Variants in TFDP2 observed in about 807,000 individuals in gnomAD.
TFDP2 encodes the protein transcription factor Dp-2.
In TFDP2, 17 loss-of-function variants were observed where a neutral mutation model predicts 59.3. That is an observed-to-expected ratio of 0.29 (90% CI 0.20 to 0.43). TFDP2 has a LOEUF of 0.43. TFDP2 is among the 20% of genes least tolerant of loss of function. The pLI is 1.00. For synonymous variants in TFDP2, 180 were observed against 194.7 expected (o/e 0.92, Z 0.63); for missense variants, 391 against 528.8 (o/e 0.74, Z 2.56).
intron 1 of TFDP2, among the ~76,000 whole-genome samples, chr3:142,106,706 C>T (rs375795358): frequency 1.3e-5 from 2 of 152,164 alleles, no homozygotes; most frequent in Admixed American, 6.6e-5. Flanking sequence ...TTTCTTCTTC[C>T]AGCTTCATGA....
intron 1 of TFDP2, among the ~76,000 whole-genome samples, chr3:142,118,873 C>T (rs2061938051): frequency 1.3e-5 from 2 of 152,066 alleles, no homozygotes; most frequent in African/African-American, 4.8e-5. Flanking sequence ...ATTAAAAGTA[C>T]ATTCTGGCTG....
chr3:142,077,125 G>T (rs2060484581), intron 3 of TFDP2, among the ~76,000 whole-genome samples: 1 of 152,158 alleles, frequency 6.6e-6, no homozygotes, highest in Non-Finnish European at 1.5e-5. Flanking sequence ...TACCCACAGA[G>T]GGAACATATA....
At chr3:142,026,659 T>C (rs1438754428) in intron 3 of TFDP2, among the ~76,000 whole-genome samples, 1 of 152,246 alleles carries the variant, frequency 6.6e-6, no homozygotes, top group Non-Finnish European at 1.5e-5. Flanking sequence ...GTAATGTGTA[T>C]ACACGCACAT....
In TFDP2 at chr3:142,131,458, G is replaced by C. The variant is rs1023662004; in HGVS notation, c.-93+17725C>G. ...GTAACTCTGTAAGTTTGATCTAAGA[G>C]ACATAGGCAGAAATCTGCTCCCAAA... On this transcript the variant is annotated intron_variant, in intron 1 of 12. Coordinates refer to ENST00000489671, the MANE Select transcript of TFDP2 (RefSeq NM_001178139.2). 6.0e-5 allele frequency among the ~76,000 whole-genome samples: 9 copies of C among 150,168 alleles called. No homozygotes were observed. The East Asian group carries it at 1.7e-3, about 29-fold the overall frequency.
chr3:142,139,198 T>C (rs576709447), intron 1 of TFDP2, among the ~76,000 whole-genome samples: 7 of 152,306 alleles, frequency 4.6e-5, no homozygotes, highest in African/African-American at 1.7e-4. Flanking sequence ...CCCTGCTTTT[T>C]TTTGCTTTCC....
At chr3:142,063,800 G>C (rs2108523325) in intron 3 of TFDP2, among the ~76,000 whole-genome samples, 1 of 151,978 alleles carries the variant, frequency 6.6e-6, no homozygotes, top group East Asian at 1.9e-4. Context: ...TGTAAAGCTT[G>C]ATGACATCGT....
At chr3:141,974,301 A>G (rs1940270878) in intron 7 of TFDP2, 110 bp from the exon 8 acceptor site, 1 of 960,170 alleles carries the variant, frequency 1.0e-6, no homozygotes, top group Non-Finnish European at 1.4e-6. Flanking sequence ...GAAGGATTCT[A>G]TTTTTTTATT....
intron 1 of TFDP2, among the ~76,000 whole-genome samples, chr3:142,118,149 C>A (rs2108687460): frequency 6.6e-6 from 1 of 152,130 alleles, no homozygotes; most frequent in South Asian, 2.1e-4. Flanking sequence ...CTTGCAGAAA[C>A]AAAATATTAA....
chr3:142,101,924 T>A, intron 1 of TFDP2, 83 bp from the exon 2 acceptor site: 1 of 436,786 alleles, frequency 2.3e-6, no homozygotes, highest in East Asian at 3.1e-5. Flanking sequence ...TGACATGCAT[T>A]GTTATCTAAG....
chr3:141,991,159 C>T (rs1182041888), intron 6 of TFDP2, among the ~76,000 whole-genome samples: 1 of 152,150 alleles, frequency 6.6e-6, no homozygotes, highest in African/African-American at 2.4e-5. Flanking sequence ...GAATTACACC[C>T]AAATAATAAA....
At chr3:141,978,751 G>T in intron 6 of TFDP2, 69 bp from the exon 7 acceptor site, 1 of 1,151,406 alleles carries the variant, frequency 8.7e-7, no homozygotes, top group South Asian at 2.1e-5. Flanking sequence ...ATCTCTGTAA[G>T]ATAATGCAAG....
chr3:141,977,106 ATTTTTT>A lies in TFDP2; in HGVS notation c.519+1408_519+1413del, dbSNP rs66720095. The stretch of plus-strand genomic sequence containing the variant: ...GTCATAGCCATATATATATATATAT[ATTTTTT>A]TTTTTTTTTTTTTTTTCCCCCCAAA... On this transcript the variant is annotated intron_variant, in intron 7 of 12. Coordinates refer to ENST00000489671, the MANE Select transcript of TFDP2 (RefSeq NM_001178139.2). Among the ~76,000 whole-genome samples, 29 of 97,506 alleles carry A rather than the reference ATTTTTT, an allele frequency of 3.0e-4. No homozygotes were observed. The Middle Eastern group carries it at 0.015, about 51-fold the overall frequency. The allele number at this position is 97,506 out of a possible 152,430, so 64.0% of individuals were successfully genotyped here. A position where few individuals can be genotyped will look rare whatever the true frequency, so the allele number is the denominator to read the frequency against.
At chr3:141,959,040 C>T (rs531808455) in intron 11 of TFDP2, among the ~76,000 whole-genome samples, 1 of 150,758 alleles carries the variant, frequency 6.6e-6, no homozygotes, top group East Asian at 2.0e-4. Flanking sequence ...GCAACCTCCA[C>T]CTCCCAGGTT....
chr3:141,979,111 G>A (rs558679013), intron 6 of TFDP2, among the ~76,000 whole-genome samples: 2 of 152,120 alleles, frequency 1.3e-5, no homozygotes, highest in African/African-American at 2.4e-5. Flanking sequence ...ATGATGGGCC[G>A]CATATACAAC....
At chr3:142,053,660 A>C (rs966922368) in intron 3 of TFDP2, among the ~76,000 whole-genome samples, 5 of 152,170 alleles carry the variant, frequency 3.3e-5, no homozygotes, top group Non-Finnish European at 7.4e-5. Flanking sequence ...TGAGCTTTCT[A>C]ATCTGGATTT....
At position 141,958,236 on chromosome 3, in the gene TFDP2, AAC is replaced by A. The variant is rs544171408; in HGVS notation, c.1051+1436_1051+1437del. 7.2e-3 allele frequency among the ~76,000 whole-genome samples: 1,099 copies of A among 152,312 alleles called. 20 individuals are homozygous for A. The highest frequency in any genetic ancestry group is 5.5e-3 in the Non-Finnish European group (372 of 68,026). On this transcript the variant is annotated intron_variant, in intron 11 of 12. Transcript: ENST00000489671. The stretch of plus-strand genomic sequence containing the variant: ...TTTTAACATCAAGCAATCGGAAACA[AAC>A]AGTTTATTTTCAGTAAAATAAACAG...
At chr3:142,023,411 G>A (rs1035280336) in intron 3 of TFDP2, among the ~76,000 whole-genome samples, 8 of 151,180 alleles carry the variant, frequency 5.3e-5, no homozygotes, top group Admixed American at 1.3e-4. Context: ...GGCTGGTCTC[G>A]AACTCCTGAC....
chr3:142,135,503 C>G (rs900651484), intron 1 of TFDP2, among the ~76,000 whole-genome samples: 10 of 151,812 alleles, frequency 6.6e-5, no homozygotes, highest in African/African-American at 2.4e-4. Context: ...TTTGCTGCAC[C>G]CATCAACTCG....
At chr3:141,958,903 T>C (rs900308305) in intron 11 of TFDP2, among the ~76,000 whole-genome samples, 1 of 151,574 alleles carries the variant, frequency 6.6e-6, no homozygotes, top group African/African-American at 2.4e-5. Flanking sequence ...GGGCAGATAA[T>C]AGATATACTA....
Sources: allele counts gnomAD v4.1 joint callset (sites outside exome capture counted in the v4.1 genomes callset), GRCh38; gene constraint gnomAD v4.1.1; transcripts MANE v1.5; gene names NCBI Gene and HGNC (gene_info 2026-07-23, HGNC 2026-07-21).